PPCDC: variants seen among roughly 807,000 people sequenced by gnomAD.
PPCDC encodes the protein phosphopantothenoylcysteine decarboxylase.
Under a neutral mutation model 20.7 loss-of-function variants are expected in PPCDC, and 20 were observed. The observed-to-expected ratio is 0.97, with a 90% CI of 0.68 to 1.41. The LOEUF (loss-of-function observed/expected upper bound fraction) is 1.41, where lower values mean the gene tolerates loss of function less well. Ranked by LOEUF, PPCDC falls within the 40% of genes most tolerant of loss-of-function variation. The probability of loss-of-function intolerance (pLI) is 0.00; values close to 1 mark genes in which losing one functional copy is unlikely to be tolerated. For missense variants in PPCDC, 246 were observed against 263.8 expected (o/e 0.93, Z 0.47); for synonymous variants, 88 against 100.3 (o/e 0.88, Z 0.73).
rs1180038368 is a variant in PPCDC, at chr15:75,023,613, C to T, written c.-86C>T. Reference sequence around the variant, plus strand: ...GCGATATTTGGGAGCGGCCCCGAGACGCGCCTGGCGCGGGTGAGCAGTGGA... The same window carrying T: ...GCGATATTTGGGAGCGGCCCCGAGATGCGCCTGGCGCGGGTGAGCAGTGGA... On this transcript the variant is annotated 5_prime_UTR_variant, in exon 1 of 6. The change creates a new upstream start codon in the 5' untranslated region. Coordinates refer to ENST00000342932, the MANE Select transcript of PPCDC (RefSeq NM_021823.5). The T allele has an allele frequency of 6.6e-6, 1 of 152,292 alleles. No homozygotes were observed. The highest frequency in any genetic ancestry group is 1.5e-5 in the Non-Finnish European group (1 of 68,070). 9.4% of individuals were successfully genotyped at this position (152,292 alleles called of 1,614,324 possible). A position where few individuals can be genotyped will look rare whatever the true frequency, so the allele number is the denominator to read the frequency against.
At position 75,048,706 on chromosome 15, in the gene PPCDC, G is replaced by A. The variant is rs764851842; in HGVS notation, c.514G>A (p.Val172Met). The A allele has an allele frequency of 9.3e-6, 15 of 1,614,162 alleles. No homozygotes were observed. The highest frequency in any genetic ancestry group is 1.2e-5 in the Non-Finnish European group (14 of 1,179,976). Reference protein sequence around the residue: ...VEIPCVAKKLVCGDEGLGAMA... With the variant: ...VEIPCVAKKLMCGDEGLGAMA... ...GATCCCCTGTGTGGCCAAGAAGCTG[G>A]TGTGCGGAGATGAAGGTGGGTGTCT... Residue 172 changes from valine (V) to methionine (M), a missense_variant, in exon 5 of 6, where the codon GTG becomes ATG. Coordinates refer to ENST00000342932, the MANE Select transcript of PPCDC (RefSeq NM_021823.5).
rs573006890 is a variant in PPCDC, at chr15:75,032,915, C to G, written c.135+4462C>G. ...TCCCAGGCTCAAGCAGTCCTCCCAC[C>G]TCAGCCTCCCAAATAGTTGGGACTG... On this transcript the variant is annotated intron_variant, in intron 2 of 5. Coordinates refer to ENST00000342932, the MANE Select transcript of PPCDC (RefSeq NM_021823.5). Among the ~76,000 whole-genome samples the G allele has an allele frequency of 2.6e-5, 4 of 152,260 alleles. No homozygotes were observed. The South Asian group carries it at 8.3e-4, about 32-fold the overall frequency.
intron 1 of PPCDC, among the ~76,000 whole-genome samples, chr15:75,024,530 A>AT (rs1025335785): frequency 4.0e-5 from 6 of 151,536 alleles, no homozygotes; most frequent in Non-Finnish European, 7.4e-5. Context: ...ATTTTATTTC[A>AT]TTTTTGTAGA....
intron 2 of PPCDC, among the ~76,000 whole-genome samples, chr15:75,038,966 C>A (rs770324878): frequency 1.3e-5 from 2 of 150,902 alleles, no homozygotes; most frequent in African/African-American, 2.4e-5. Flanking sequence ...TTTTTTGTTC[C>A]TTGAATACTC....
chr15:75,030,429 C>A (rs532303588), intron 2 of PPCDC, among the ~76,000 whole-genome samples: 177 of 152,338 alleles, frequency 1.2e-3, no homozygotes, highest in Non-Finnish European at 1.3e-3. Flanking sequence ...TGGGAAGAGC[C>A]ATGGAAGCCA....
chr15:75,033,029 C>T (rs1323636366), intron 2 of PPCDC, among the ~76,000 whole-genome samples: 8 of 152,084 alleles, frequency 5.3e-5, no homozygotes, highest in African/African-American at 1.9e-4. Flanking sequence ...TCTCAAACTC[C>T]TGGGCTCAAG....
rs1288598429 is a variant in PPCDC at position 75,044,512 on chromosome 15, C to T, written c.358C>T (p.Leu120Phe). ...KVASGICDNL[L>F]TCVMRAWDRS... The stretch of plus-strand genomic sequence containing the variant: ...GGCCAGTGGCATCTGTGACAACTTG[C>T]TTGTGAGTGATGTCCTGGTGCCCTC... Residue 120 changes from leucine to phenylalanine, a missense_variant and splice_region_variant, in exon 4 of 6, where the codon CTT (leucine) becomes TTT (phenylalanine). Physicochemically the swap from Leu to Phe is conservative, Grantham distance 22. This residue lies in a region of PPCDC where 225 missense variants were observed against 222.6 expected (regional missense o/e 1.01). Coordinates refer to ENST00000342932, the MANE Select transcript of PPCDC (RefSeq NM_021823.5). 1.2e-6 allele frequency: 2 copies of T among 1,613,568 alleles called. No homozygotes were observed. The highest frequency in any genetic ancestry group is 1.3e-5 in the African/African-American group (1 of 74,936).
At chr15:75,027,084 G>A (rs1411834379) in intron 1 of PPCDC, among the ~76,000 whole-genome samples, 7 of 152,180 alleles carry the variant, frequency 4.6e-5, no homozygotes, top group Admixed American at 2.0e-4. Flanking sequence ...CAGGGAGCTT[G>A]CTGGTGGAGG....
intron 2 of PPCDC, among the ~76,000 whole-genome samples, chr15:75,042,418 G>T (rs1170718198): frequency 2.0e-5 from 3 of 152,006 alleles, no homozygotes; most frequent in Non-Finnish European, 4.4e-5. Context: ...TGGGAGACTG[G>T]GGCGGGTGGA....
At chr15:75,034,098 T>TA (rs1266125174) in intron 2 of PPCDC, among the ~76,000 whole-genome samples, 1 of 152,100 alleles carries the variant, frequency 6.6e-6, no homozygotes, top group African/African-American at 2.4e-5. Context: ...CCATGTGGTC[T>TA]AAATGGCCCA....
rs140210637 is a variant in PPCDC at position 75,048,615 on chromosome 15, C to T, written c.423C>T (p.Thr141=). ...TGCTCTTCTGCCCGGCCATGAACAC[C>T]GCCATGTGGGAGCACCCGATCACAG... ...KPLLFCPAMN[T]AMWEHPITAQ... is the part of the protein sequence containing the mutation. The change falls in exon 5 of 6, where the codon ACC becomes ACT. Residue 141 remains threonine (T), a synonymous_variant. Transcript: ENST00000342932. 5.8e-5 allele frequency: 94 copies of T among 1,614,124 alleles called. No homozygotes were observed. The highest frequency in any genetic ancestry group is 1.6e-4 in the Middle Eastern group (1 of 6,080).
At chr15:75,036,005 T>A (rs2066080936) in intron 2 of PPCDC, among the ~76,000 whole-genome samples, 1 of 148,756 alleles carries the variant, frequency 6.7e-6, no homozygotes, top group Non-Finnish European at 1.5e-5. Flanking sequence ...TTTTTCTAAG[T>A]GGTGTCAGCA....
intron 2 of PPCDC, among the ~76,000 whole-genome samples, chr15:75,031,771 G>A (rs962493173): frequency 6.6e-6 from 1 of 152,090 alleles, no homozygotes; most frequent in African/African-American, 2.4e-5. Context: ...CTGCACATGG[G>A]TGTACCACAA....
chr15:75,047,657 C>T (rs1361703038), intron 4 of PPCDC, among the ~76,000 whole-genome samples: 1 of 152,206 alleles, frequency 6.6e-6, no homozygotes, highest in Non-Finnish European at 1.5e-5. Context: ...TGTGCCTGGC[C>T]CTGCGCTCAG....
At chr15:75,043,045 A>G (rs1030441234) in intron 2 of PPCDC, among the ~76,000 whole-genome samples, 5 of 152,246 alleles carry the variant, frequency 3.3e-5, no homozygotes, top group African/African-American at 9.6e-5. Context: ...CTCAGGACCT[A>G]TGAGCCTCCT....
chr15:75,044,204 T>A (rs1041448441), intron 3 of PPCDC, among the ~76,000 whole-genome samples, 182 bp from the exon 4 acceptor site: 3 of 152,174 alleles, frequency 2.0e-5, no homozygotes, highest in Non-Finnish European at 4.4e-5. Flanking sequence ...TCCTCAGGCC[T>A]GGTTCTCTCG....
Position 75,037,365 on chromosome 15 carries a change from C to T in PPCDC, c.136-6076C>T, listed in dbSNP as rs574424137. ...AGCTTATGGCAAAACTCAGGAGGCT[C>T]GAGAGGGCTGTTTTATGTATTTGGA... On this transcript the variant is annotated intron_variant, in intron 2 of 5. Coordinates refer to ENST00000342932, the MANE Select transcript of PPCDC (RefSeq NM_021823.5). Among the ~76,000 whole-genome samples the T allele has an allele frequency of 1.4e-3, 209 of 152,194 alleles. 1 individual carries two copies. The highest frequency in any genetic ancestry group is 3.4e-3 in the Admixed American group (52 of 15,276).
intron 2 of PPCDC, 87 bp downstream of exon 2, chr15:75,028,540 C>T: frequency 6.5e-7 from 1 of 1,545,782 alleles, no homozygotes; most frequent in Non-Finnish European, 8.9e-7. Context: ...GCAGTACATG[C>T]AATTTTCTTT....
chr15:75,048,480 C>T, intron 4 of PPCDC, 73 bp from the exon 5 acceptor site: 3 of 1,551,928 alleles, frequency 1.9e-6, no homozygotes, highest in Non-Finnish European at 2.6e-6. Context: ...CTGCTGGCTG[C>T]AGGGTCTGGA....
Sources: gnomAD v4.1 joint callset for allele counts (sites outside exome capture counted in the v4.1 genomes callset) on GRCh38, gnomAD v4.1.1 for gene constraint, gnomAD v4.1.1 regional missense constraint, MANE v1.5 for transcripts, NCBI Gene and HGNC (gene_info 2026-07-23, HGNC 2026-07-21) for gene names.